Variants in FAM53B observed in about 807,000 individuals in gnomAD.
FAM53B encodes the protein family with sequence similarity 53 member B.
FAM53B carries 12 observed loss-of-function variants against 32.7 expected under a neutral mutation model. The observed-to-expected ratio is 0.37, with a 90% CI of 0.24 to 0.59. The LOEUF is 0.59. Among genes scored for constraint, FAM53B ranks in the 20% least tolerant of loss-of-function variants. The pLI, the probability that FAM53B is intolerant of heterozygous loss-of-function variation, is 0.72. For missense variants in FAM53B, 477 were observed against 577.7 expected (o/e 0.83, Z 1.79); for synonymous variants, 234 against 228.7 (o/e 1.02, Z -0.21).
chr10:124,724,389 C>A lies in FAM53B; in HGVS notation c.-174-17502G>T, dbSNP rs967018398. The stretch of plus-strand genomic sequence containing the variant: ...CAACATCGGCCAGTGCCAGCGCCAG[C>A]GCCCTCACAAGGCCCAGGCAGGGGG... On this transcript the variant is annotated intron_variant, in intron 1 of 4. Coordinates refer to ENST00000337318, the MANE Select transcript of FAM53B (RefSeq NM_014661.4). Among the ~76,000 whole-genome samples the A allele has an allele frequency of 2.0e-5, 3 of 152,210 alleles. No homozygotes were observed. The South Asian group carries it at 6.2e-4, about 31-fold the overall frequency.
At chr10:124,685,931 C>G (rs775695457) in intron 3 of FAM53B, among the ~76,000 whole-genome samples, 2 of 152,150 alleles carry the variant, frequency 1.3e-5, no homozygotes, top group Non-Finnish European at 2.9e-5. Flanking sequence ...CCACTGTTTC[C>G]GGGAAAGAAG....
At position 124,683,933 on chromosome 10, in the gene FAM53B, T is replaced by G. The variant is rs77729765; in HGVS notation, c.134-1554A>C. Among the ~76,000 whole-genome samples the G allele has an allele frequency of 4.4e-3, 663 of 152,286 alleles. 11 individuals carry two copies. Among genetic ancestry groups the G allele is most frequent in the African/African-American group, 0.015 (625 of 41,558 alleles). On this transcript the variant is annotated intron_variant, in intron 3 of 4. Coordinates refer to ENST00000337318, the MANE Select transcript of FAM53B (RefSeq NM_014661.4). ...CACAAGCAGCAGCTACTTGATTGAC[T>G]CAACGGGAATGACCTGTGCAGACCA...
At position 124,623,077 on chromosome 10, in the gene FAM53B, G is replaced by T; in HGVS notation, c.*165C>A. The T allele has an allele frequency of 1.1e-6, 1 of 925,660 alleles. No individual in the cohort carries two copies. The highest frequency in any genetic ancestry group is 1.6e-6 in the Non-Finnish European group (1 of 625,506). 57.3% of individuals were successfully genotyped at this position (925,660 alleles called of 1,614,324 possible). On this transcript the variant is annotated 3_prime_UTR_variant, in exon 5 of 5. Transcript: ENST00000337318. ...CCCGCTGTATGACGCGGCCAGGCCAGGCTCTCCCCCAGGCAGCAGGTGGGC... is the reference window on the plus strand; with the variant it reads ...CCCGCTGTATGACGCGGCCAGGCCATGCTCTCCCCCAGGCAGCAGGTGGGC...
chr10:124,652,827 A>C (rs1416845681), intron 4 of FAM53B, among the ~76,000 whole-genome samples: 1 of 152,084 alleles, frequency 6.6e-6, no homozygotes, highest in Non-Finnish European at 1.5e-5. Flanking sequence ...GAAAGGCAAA[A>C]ATCTACTAGC....
intron 4 of FAM53B, among the ~76,000 whole-genome samples, chr10:124,657,929 C>T (rs1270021301): frequency 6.6e-6 from 1 of 152,220 alleles, no homozygotes; most frequent in Non-Finnish European, 1.5e-5. Context: ...ACAGCTTCTC[C>T]GCAGCCAGGA....
chr10:124,669,403 G>C (rs939551363), intron 4 of FAM53B, among the ~76,000 whole-genome samples: 3 of 152,190 alleles, frequency 2.0e-5, no homozygotes, highest in Non-Finnish European at 4.4e-5. Context: ...TCTGAGCCCC[G>C]TGCCCGGCTT....
intron 1 of FAM53B, among the ~76,000 whole-genome samples, chr10:124,731,532 G>A (rs1212753013): frequency 1.3e-5 from 2 of 151,812 alleles, no homozygotes; most frequent in East Asian, 1.9e-4. Flanking sequence ...TGTACTATAA[G>A]AGGCTCCATT....
rs997175550 is a variant in FAM53B, at chr10:124,720,272, C to T, written c.-174-13385G>A. Among the ~76,000 whole-genome samples the T allele has an allele frequency of 2.6e-5, 4 of 151,000 alleles. No individual in the cohort carries two copies. In the Admixed American group the frequency reaches 2.7e-4, roughly 10 times the overall value. On this transcript the variant is annotated intron_variant, in intron 1 of 4. Transcript: ENST00000337318. ...CTCAGACTTAAAAATAATAATAATA[C>T]CAGCCTAGGCAATATAGTGAGACCT...
At chr10:124,640,292 C>T (rs1949462088) in intron 4 of FAM53B, among the ~76,000 whole-genome samples, 1 of 152,234 alleles carries the variant, frequency 6.6e-6, no homozygotes, top group South Asian at 2.1e-4. Flanking sequence ...CCAGCACCCT[C>T]AGCCTGCACA....
chr10:124,711,596 A>G (rs1453541589), intron 1 of FAM53B, among the ~76,000 whole-genome samples: 6 of 152,256 alleles, frequency 3.9e-5, no homozygotes, highest in East Asian at 1.9e-4. Context: ...ACTAACCACC[A>G]AAAGAGTGTA....
Position 124,682,251 on chromosome 10 carries a change from C to G in FAM53B, c.262G>C (p.Ala88Pro). 1 of 1,614,004 alleles carries G rather than the reference C, an allele frequency of 6.2e-7. No homozygotes were observed. Among genetic ancestry groups the G allele is most frequent in the Non-Finnish European group, 8.5e-7 (1 of 1,179,966 alleles). The change falls in exon 4 of 5, where the codon GCT (alanine) becomes CCT (proline). Residue 88 changes from alanine to proline, a missense_variant. Coordinates refer to ENST00000337318, the MANE Select transcript of FAM53B (RefSeq NM_014661.4). The surrounding 1 kb of genome is among the most constrained non-coding windows in gnomAD (Gnocchi z 5.2). Reference protein sequence around the residue: ...LWHREAVTACAVTSLIKDLSI... With the variant: ...LWHREAVTACPVTSLIKDLSI... ...AGGTCTTTGATCAGACTGGTCACAGCGCAGGCGGTCACTGCCTCCCGGTGC... is the reference window on the plus strand; with the variant it reads ...AGGTCTTTGATCAGACTGGTCACAGGGCAGGCGGTCACTGCCTCCCGGTGC...
At chr10:124,716,103 T>C (rs1448623758) in intron 1 of FAM53B, among the ~76,000 whole-genome samples, 1 of 152,200 alleles carries the variant, frequency 6.6e-6, no homozygotes, top group Admixed American at 6.5e-5. Flanking sequence ...CTGCTGTCCT[T>C]AGACAGAGAG....
At chr10:124,708,815 C>T (rs958961248) in intron 1 of FAM53B, among the ~76,000 whole-genome samples, 4 of 152,260 alleles carry the variant, frequency 2.6e-5, no homozygotes, top group African/African-American at 9.6e-5. Flanking sequence ...CCCCCATTTC[C>T]AGCCTCTCTC....
chr10:124,684,089 C>G (rs1183627485), intron 3 of FAM53B, among the ~76,000 whole-genome samples: 2 of 152,248 alleles, frequency 1.3e-5, no homozygotes, highest in Non-Finnish European at 2.9e-5. Flanking sequence ...CTGCCAAGGT[C>G]ATGAGATACA....
chr10:124,644,183 G>A (rs1003904068), intron 4 of FAM53B, among the ~76,000 whole-genome samples: 74 of 152,270 alleles, frequency 4.9e-4, no homozygotes, highest in Non-Finnish European at 5.4e-4. Flanking sequence ...TTTGTCTACC[G>A]CCTGGTCACT....
intron 4 of FAM53B, among the ~76,000 whole-genome samples, chr10:124,655,178 CCA>C (rs1411929524): frequency 6.6e-6 from 1 of 152,152 alleles, no homozygotes; most frequent in African/African-American, 2.4e-5. Context: ...GGTGGACTGA[CCA>C]CAGTGTCCTG....
intron 1 of FAM53B, among the ~76,000 whole-genome samples, chr10:124,727,934 A>C (rs993367699): frequency 4.6e-5 from 7 of 152,196 alleles, no homozygotes; most frequent in African/African-American, 1.7e-4. Flanking sequence ...GAAATTTAAA[A>C]ACTTGTAAAG....
At chr10:124,629,859 A>C (rs1482319412) in intron 4 of FAM53B, among the ~76,000 whole-genome samples, 1 of 152,190 alleles carries the variant, frequency 6.6e-6, no homozygotes, top group East Asian at 1.9e-4. Flanking sequence ...TGAAGGCCGT[A>C]CTCTTTCTCA....
In FAM53B at chr10:124,706,741, T is replaced by A; in HGVS notation, c.-28A>T. 6.2e-7 allele frequency: 1 copy of A among 1,613,836 alleles called. No individual in the cohort carries two copies. The highest frequency in any genetic ancestry group is 8.5e-7 in the Non-Finnish European group (1 of 1,179,932). On this transcript the variant is annotated 5_prime_UTR_variant, in exon 2 of 5. It removes an upstream start codon present in the reference 5' UTR. Transcript: ENST00000337318. ...TAAGGGCCTCAGGCGCTGGGCTCCA[T>A]CCCAGGGTGGGTATCAGCCATCTTC... is the stretch of plus-strand genomic sequence containing the variant.
Sources: gnomAD v4.1 joint callset for allele counts (sites outside exome capture counted in the v4.1 genomes callset) on GRCh38, gnomAD v4.1.1 for gene constraint, Gnocchi (gnomAD v3.1) non-coding constraint, MANE v1.5 for transcripts, NCBI Gene and HGNC (gene_info 2026-07-23, HGNC 2026-07-21) for gene names.